Variants in SGCD observed in about 807,000 individuals in gnomAD.
SGCD encodes the protein sarcoglycan delta, also known as delta-sarcoglycan.
In SGCD, 18 loss-of-function variants were observed where a neutral mutation model predicts 36.6. That is an observed-to-expected ratio of 0.49 (90% CI 0.34 to 0.73). SGCD has a LOEUF of 0.73. Ranked by LOEUF, SGCD falls within the 30% of genes least tolerant of loss-of-function variation. The pLI is 0.01. For missense variants in SGCD, 387 were observed against 346.7 expected (o/e 1.12, Z -0.92); for synonymous variants, 133 against 130.6 (o/e 1.02, Z -0.12).
intron 3 of SGCD, among the ~76,000 whole-genome samples, chr5:156,149,725 G>A (rs1217733385): frequency 6.6e-6 from 1 of 152,140 alleles, no homozygotes; most frequent in East Asian, 1.9e-4. Flanking sequence ...TGTGGGGAGG[G>A]TCGTGGGGCA....
At chr5:156,355,046 CATGTCACA>C (rs1447240107) in intron 3 of SGCD, among the ~76,000 whole-genome samples, 1 of 152,146 alleles carries the variant, frequency 6.6e-6, no homozygotes, top group Non-Finnish European at 1.5e-5. Context: ...TCACACTTGT[CATGTCACA>C]ATGTTCAACA....
rs984016850 is a variant in SGCD, at chr5:156,458,455, C to G, written c.193-50146C>G. On this transcript the variant is annotated intron_variant, in intron 3 of 8. Transcript: ENST00000337851. ...TGAGGGTCAAACCCTGATTCCCATC[C>G]CCATGGCAGCTCATCCCCAACACAG... 3.1e-6 allele frequency: 5 copies of G among 1,610,320 alleles called. No homozygotes were observed. The African/African-American group carries it at 5.3e-5, about 17-fold the overall frequency.
At chr5:156,109,915 G>A (rs1259606735) in intron 1 of SGCD, among the ~76,000 whole-genome samples, 1 of 152,154 alleles carries the variant, frequency 6.6e-6, no homozygotes, top group African/African-American at 2.4e-5. Context: ...TATGGGTTAC[G>A]AATCAGGAGA....
intron 3 of SGCD, among the ~76,000 whole-genome samples, chr5:156,295,253 G>T (rs964990387): frequency 6.6e-6 from 1 of 152,086 alleles, no homozygotes; most frequent in Admixed American, 6.6e-5. Flanking sequence ...CATCTAATTT[G>T]TTGGTGTACA....
At chr5:155,941,824 G>A (rs1301503509) in intron 1 of SGCD, among the ~76,000 whole-genome samples, 1 of 152,134 alleles carries the variant, frequency 6.6e-6, no homozygotes, top group Non-Finnish European at 1.5e-5. Context: ...TATAGGAGGT[G>A]AAGTAGCTTT....
intron 1 of SGCD, among the ~76,000 whole-genome samples, chr5:155,921,927 C>T (rs1357615485): frequency 1.3e-5 from 2 of 152,158 alleles, no homozygotes; most frequent in East Asian, 3.9e-4. Context: ...TACCAGGGTG[C>T]CTAATGCACC....
At chr5:156,230,368 G>C (rs1325826517) in intron 3 of SGCD, among the ~76,000 whole-genome samples, 1 of 152,084 alleles carries the variant, frequency 6.6e-6, no homozygotes, top group Non-Finnish European at 1.5e-5. Context: ...TGTCCCGCGG[G>C]GTATTCCCTC....
chr5:156,335,213 C>T (rs1768284038), intron 2 of SGCD, among the ~76,000 whole-genome samples: 1 of 152,134 alleles, frequency 6.6e-6, no homozygotes, highest in African/African-American at 2.4e-5. Context: ...ATCTGCATCT[C>T]TAGGATGGAA....
At chr5:155,872,923 A>G (rs1411801972) in intron 1 of SGCD, among the ~76,000 whole-genome samples, 1 of 152,218 alleles carries the variant, frequency 6.6e-6, no homozygotes, top group South Asian at 2.1e-4. Flanking sequence ...GTGTTAAAAA[A>G]ATGTTGTGTA....
intron 6 of SGCD, among the ~76,000 whole-genome samples, chr5:156,638,352 T>C (rs1017703055): frequency 6.6e-6 from 1 of 152,206 alleles, no homozygotes; most frequent in Non-Finnish European, 1.5e-5. Flanking sequence ...TCTACACTAC[T>C]GGCCTGATTC....
chr5:156,595,131 G>T, intron 6 of SGCD, 80 bp downstream of exon 6: 1 of 1,460,276 alleles, frequency 6.8e-7, no homozygotes, highest in Non-Finnish European at 9.1e-7. Context: ...GTTATGAACA[G>T]GATATGTCCT....
the SGCD span, among the ~76,000 whole-genome samples, chr5:155,791,490 G>A: frequency 1.3e-5 from 2 of 152,070 alleles, no homozygotes; most frequent in Admixed American, 1.3e-4. Flanking sequence ...CTGATGATAT[G>A]GTTCTATACA....
At chr5:156,589,432 G>A (rs1760633503) in intron 5 of SGCD, 114 bp downstream of exon 5, 2 of 625,782 alleles carry the variant, frequency 3.2e-6, no homozygotes. Context: ...CTAACACATT[G>A]TTGAGAAAGA....
chr5:156,035,253 C>A (rs1392140186), intron 1 of SGCD, among the ~76,000 whole-genome samples: 5 of 152,160 alleles, frequency 3.3e-5, no homozygotes, highest in Non-Finnish European at 7.3e-5. Flanking sequence ...TCTACTCGTG[C>A]AACTTTAACC....
chr5:156,608,289 A>G (rs1761586050), intron 6 of SGCD, among the ~76,000 whole-genome samples: 1 of 152,072 alleles, frequency 6.6e-6, no homozygotes. Flanking sequence ...TTCTGCCTTC[A>G]TTTCGTTATG....
chr5:155,881,741 C>G (rs910856070), intron 1 of SGCD, among the ~76,000 whole-genome samples: 1 of 152,198 alleles, frequency 6.6e-6, no homozygotes, highest in Non-Finnish European at 1.5e-5. Flanking sequence ...TTGATCCTCT[C>G]GAATCCTGCT....
chr5:156,142,282 G>A (rs1472333898), intron 3 of SGCD, among the ~76,000 whole-genome samples: 2 of 152,216 alleles, frequency 1.3e-5, no homozygotes, highest in African/African-American at 2.4e-5. Context: ...AGAACTGTGA[G>A]CCAGTTAAAC....
intron 7 of SGCD, chr5:156,704,124 T>C (rs1434711528): frequency 6.6e-6 from 1 of 152,158 alleles, no homozygotes; most frequent in Non-Finnish European, 1.5e-5. Flanking sequence ...CACTTTTGGA[T>C]CCAGGCATTT....
the SGCD span, among the ~76,000 whole-genome samples, chr5:155,810,857 G>A: frequency 1.9e-5 from 2 of 106,260 alleles, no homozygotes; most frequent in East Asian, 2.8e-4. Context: ...TTGCTCTGTC[G>A]CCCAGGCTGG....
Sources: gnomAD v4.1 joint callset for allele counts (sites outside exome capture counted in the v4.1 genomes callset) on GRCh38, gnomAD v4.1.1 for gene constraint, MANE v1.5 for transcripts, NCBI Gene and HGNC (gene_info 2026-07-23, HGNC 2026-07-21) for gene names.